Variants in BZW1 observed in about 807,000 individuals in gnomAD.
BZW1 encodes the protein eIF5-mimic protein 2.
BZW1 carries 3 observed loss-of-function variants against 54.1 expected under a neutral mutation model. The observed-to-expected ratio is 0.06, with a 90% CI of 0.03 to 0.14. The LOEUF is 0.14. Among genes scored for constraint, BZW1 ranks in the 10% least tolerant of loss-of-function variants. BZW1 has a pLI of 1.00. For missense variants in BZW1, 206 were observed against 491.7 expected (o/e 0.42, Z 5.50); for synonymous variants, 152 against 162.7 (o/e 0.93, Z 0.50).
chr2:200,827,287 AC>A lies in BZW1; in HGVS notation c.*5112del. ...ACTGTGAAACTTGCTTCTTGTCTGT[AC>A]CCTTGAAATGGAATAAAATTTCATG... On this transcript the variant is annotated 3_prime_UTR_variant, in exon 12 of 12. Transcript: ENST00000409600. The A allele has an allele frequency of 6.6e-6, 1 of 152,316 alleles. No homozygotes were observed. The highest frequency in any genetic ancestry group is 3.4e-3 in the Middle Eastern group (1 of 294). The allele number at this position is 152,316 out of a possible 1,614,324, so 9.4% of individuals were successfully genotyped here.
chr2:200,818,655 A>G (rs2038382970), intron 8 of BZW1, 100 bp from the exon 9 acceptor site: 1 of 1,350,198 alleles, frequency 7.4e-7, no homozygotes, highest in Non-Finnish European at 1.0e-6. Context: ...AGTTGCATGG[A>G]AAAGGAGTTG....
At chr2:200,821,874 C>T (rs2038531488) in intron 11 of BZW1, among the ~76,000 whole-genome samples, 1 of 152,104 alleles carries the variant, frequency 6.6e-6, no homozygotes, top group Admixed American at 6.6e-5. Context: ...AGTATGAGGC[C>T]AGCCTGGACA....
Position 200,826,329 on chromosome 2 carries a change from TA to T in BZW1, c.*4152del, listed in dbSNP as rs1170853376. On this transcript the variant is annotated 3_prime_UTR_variant, in exon 12 of 12. Transcript: ENST00000409600. ...ACTTATCATCCTTTCATCTTTATGC[TA>T]GGAGTATAGTCTCAGTTCTTAATGA... 1 of 150,924 alleles carries T rather than the reference TA, an allele frequency of 6.6e-6. No homozygotes were observed. Among genetic ancestry groups the T allele is most frequent in the African/African-American group, 2.4e-5 (1 of 41,084 alleles). The allele number at this position is 150,924 out of a possible 1,614,324, so 9.3% of individuals were successfully genotyped here.
At chr2:200,811,801 T>C (rs1575042959), upstream of BZW1, 1 of 158,096 alleles carries the variant, frequency 6.3e-6, no homozygotes, top group African/African-American at 2.4e-5. Context: ...CCGCGCGCAA[T>C]AGAAAAGGCG....
At chr2:200,811,643 C>G (rs972714901), upstream of BZW1, 2 of 152,488 alleles carry the variant, frequency 1.3e-5, no homozygotes, top group East Asian at 3.9e-4. Context: ...CTTCCAACCC[C>G]TCCATGTGTG....
At position 200,817,250 on chromosome 2, in the gene BZW1, C is replaced by T; in HGVS notation, c.538+9C>T. 6.2e-7 allele frequency: 1 copy of T among 1,611,522 alleles called. No individual in the cohort carries two copies. The highest frequency in any genetic ancestry group is 8.5e-7 in the Non-Finnish European group (1 of 1,179,570). ...AAATTTGGTTAAAGAAGGTAATCAG[C>T]CTTAAAGGATGGTCTTCAGTTGACT... is the stretch of plus-strand genomic sequence containing the variant. On this transcript the variant is annotated intron_variant, in intron 6 of 11. Coordinates refer to ENST00000409600, the MANE Select transcript of BZW1 (RefSeq NM_001207067.2).
chr2:200,822,195 C>G lies in BZW1; in HGVS notation c.*17C>G, dbSNP rs1641366502. The G allele has an allele frequency of 1.9e-6, 3 of 1,583,094 alleles. No homozygotes were observed. Among genetic ancestry groups the G allele is most frequent in the Admixed American group, 3.5e-5 (2 of 57,544 alleles). On this transcript the variant is annotated 3_prime_UTR_variant, in exon 12 of 12. Coordinates refer to ENST00000409600, the MANE Select transcript of BZW1 (RefSeq NM_001207067.2). ...GGTGACTGAATTTTGAAACTACACC[C>G]TCAGTAAAGCAAACAGGAGTTGTAG...
chr2:200,813,177 T>C (rs774304673), intron 1 of BZW1, 31 bp from the exon 2 acceptor site: 19 of 1,573,714 alleles, frequency 1.2e-5, no homozygotes, highest in Middle Eastern at 1.7e-4. Flanking sequence ...ATTATGGCAC[T>C]GATATTAAGG....
chr2:200,817,800 T>C (rs2105870419), intron 6 of BZW1, among the ~76,000 whole-genome samples, 174 bp from the exon 7 acceptor site: 1 of 152,266 alleles, frequency 6.6e-6, no homozygotes, highest in South Asian at 2.1e-4. Flanking sequence ...TTGCAAGTGG[T>C]AGACTAGGGA....
intron 1 of BZW1, 149 bp downstream of exon 1, chr2:200,812,139 T>C (rs2038088424): frequency 9.5e-7 from 1 of 1,051,942 alleles, no homozygotes; most frequent in Non-Finnish European, 1.2e-6. Flanking sequence ...ATCTAGGGCC[T>C]GAAAGGCCGC....
chr2:200,821,487 A>G (rs2105705544), intron 11 of BZW1, among the ~76,000 whole-genome samples, 182 bp downstream of exon 11: 1 of 152,326 alleles, frequency 6.6e-6, no homozygotes, highest in African/African-American at 2.4e-5. Context: ...CTCAGCCATA[A>G]TAGTAAATGT....
intron 10 of BZW1, 176 bp downstream of exon 10, chr2:200,820,296 C>A: frequency 2.0e-6 from 1 of 501,788 alleles, no homozygotes; most frequent in South Asian, 3.1e-5. Flanking sequence ...TTTAAAACAT[C>A]TAAACCCTAT....
Position 200,813,293 on chromosome 2 carries a change from C to A in BZW1, c.64+12C>A, listed in dbSNP as rs778195990. On this transcript the variant is annotated intron_variant, in intron 2 of 11. Coordinates refer to ENST00000409600, the MANE Select transcript of BZW1 (RefSeq NM_001207067.2). Reference sequence around the variant, plus strand: ...AACTAGAAAAAGAGGTAAATATTTACGTTTTAATGTCTCTCTTCAAACCTC... The same window carrying A: ...AACTAGAAAAAGAGGTAAATATTTAAGTTTTAATGTCTCTCTTCAAACCTC... 1.2e-6 allele frequency: 2 copies of A among 1,605,698 alleles called. No homozygotes were observed. The highest frequency in any genetic ancestry group is 1.7e-6 in the Non-Finnish European group (2 of 1,173,322).
At position 200,815,926 on chromosome 2, in the gene BZW1, G is replaced by T. The variant is rs76703562; in HGVS notation, c.336+165G>T. ...ACGGGATGAATTAGAAACTTAAGGTGTGTTAAGGCGAACAAAATAGGGAAA... is the reference window on the plus strand; with the variant it reads ...ACGGGATGAATTAGAAACTTAAGGTTTGTTAAGGCGAACAAAATAGGGAAA... On this transcript the variant is annotated intron_variant, in intron 4 of 11. Transcript: ENST00000409600. Among the ~76,000 whole-genome samples, 998 of 152,278 alleles carry T rather than the reference G, an allele frequency of 6.6e-3. 15 individuals carry two copies. Among genetic ancestry groups the T allele is most frequent in the African/African-American group, 0.023 (960 of 41,550 alleles).
rs1196920497 is a variant in BZW1, at chr2:200,825,848, A to G, written c.*3670A>G. ...AAAGTTTTAGTGTACAGTGTTACTT[A>G]AATTACCAAATTACCTTTGTACAAA... is the stretch of plus-strand genomic sequence containing the variant. On this transcript the variant is annotated 3_prime_UTR_variant, in exon 12 of 12. Coordinates refer to ENST00000409600, the MANE Select transcript of BZW1 (RefSeq NM_001207067.2). 1 of 152,228 alleles carries G rather than the reference A, an allele frequency of 6.6e-6. No individual in the cohort carries two copies. Among genetic ancestry groups the G allele is most frequent in the African/African-American group, 2.4e-5 (1 of 41,460 alleles). The allele number at this position is 152,228 out of a possible 1,614,324, so 9.4% of individuals were successfully genotyped here.
Position 200,825,073 on chromosome 2 carries a change from G to T in BZW1, c.*2895G>T, listed in dbSNP as rs1206447296. On this transcript the variant is annotated 3_prime_UTR_variant, in exon 12 of 12. Coordinates refer to ENST00000409600, the MANE Select transcript of BZW1 (RefSeq NM_001207067.2). ...TACATGAAAAGAGTAAAATGTTTTTGTTTTTGTTTTGGAGACAGTCTCACT... is the reference window on the plus strand; with the variant it reads ...TACATGAAAAGAGTAAAATGTTTTTTTTTTTGTTTTGGAGACAGTCTCACT... The T allele has an allele frequency of 6.6e-6, 1 of 151,752 alleles. No individual in the cohort carries two copies. The highest frequency in any genetic ancestry group is 2.4e-5 in the African/African-American group (1 of 41,248). 9.4% of individuals were successfully genotyped at this position (151,752 alleles called of 1,614,324 possible).
rs2038648694 is a variant in BZW1, at chr2:200,824,790, G to C, written c.*2612G>C. ...GGGTTCACGCCATTCTCCTGCCTCA[G>C]CCTCCCGAGTAGCTGGGACTACAGG... On this transcript the variant is annotated 3_prime_UTR_variant, in exon 12 of 12. Coordinates refer to ENST00000409600, the MANE Select transcript of BZW1 (RefSeq NM_001207067.2). 1 of 150,464 alleles carries C rather than the reference G, an allele frequency of 6.6e-6. No individual in the cohort carries two copies. Among genetic ancestry groups the C allele is most frequent in the South Asian group, 2.1e-4 (1 of 4,792 alleles). 9.3% of individuals were successfully genotyped at this position (150,464 alleles called of 1,614,324 possible). A position where few individuals can be genotyped will look rare whatever the true frequency, so the allele number is the denominator to read the frequency against.
chr2:200,819,906 G>T, intron 9 of BZW1, 76 bp from the exon 10 acceptor site: 1 of 1,268,914 alleles, frequency 7.9e-7, no homozygotes, highest in South Asian at 1.9e-5. Context: ...GTTCTATATT[G>T]TCTGTATTGT....
At chr2:200,818,632 A>G in intron 8 of BZW1, 123 bp from the exon 9 acceptor site, 1 of 1,144,862 alleles carries the variant, frequency 8.7e-7, no homozygotes, top group Non-Finnish European at 1.2e-6. Flanking sequence ...TATGTGGTAC[A>G]CATGTGGTTG....
Sources: gnomAD v4.1 joint callset for allele counts (sites outside exome capture counted in the v4.1 genomes callset) on GRCh38, gnomAD v4.1.1 for gene constraint, MANE v1.5 for transcripts, NCBI Gene and HGNC (gene_info 2026-07-23, HGNC 2026-07-21) for gene names.